ANO10: variants seen among roughly 807,000 people sequenced by gnomAD.
The protein encoded by ANO10 is anoctamin-10.
In ANO10, 77 loss-of-function variants were observed where a neutral mutation model predicts 74.7. The observed-to-expected ratio is 1.03, with a 90% confidence interval of 0.86 to 1.25. The LOEUF is 1.25. Among genes scored for constraint, ANO10 ranks in the 50% most tolerant of loss-of-function variants. The probability of loss-of-function intolerance (pLI) is 0.00; values close to 1 mark genes in which losing one functional copy is unlikely to be tolerated. For missense variants in ANO10, 721 were observed against 778.1 expected (o/e 0.93, Z 0.87); for synonymous variants, 279 against 284.9 (o/e 0.98, Z 0.21).
Position 43,476,186 on chromosome 3 carries a change from C to T in ANO10, c.1798-43459G>A, listed in dbSNP as rs1457083449. ...TTTTTTCTGTTAGCTTATCTACTTT[C>T]CCCCTAAAATTATCATGTATTTAAT... On this transcript the variant is annotated intron_variant, in intron 11 of 12. Transcript: ENST00000292246. Among the ~76,000 whole-genome samples, 5 of 151,838 alleles carry T rather than the reference C, an allele frequency of 3.3e-5. No homozygotes were observed. In the East Asian group the frequency reaches 7.7e-4, roughly 23 times the overall value.
At chr3:43,635,989 T>C (rs2083605206) in intron 1 of ANO10, among the ~76,000 whole-genome samples, 1 of 151,774 alleles carries the variant, frequency 6.6e-6, no homozygotes, top group Admixed American at 6.6e-5. Flanking sequence ...TGAATTCTTA[T>C]ATGGTGAATC....
intron 1 of ANO10, among the ~76,000 whole-genome samples, chr3:43,644,542 CCT>C (rs1559382535): frequency 2.6e-5 from 4 of 152,184 alleles, no homozygotes; most frequent in African/African-American, 9.6e-5. Flanking sequence ...CAAGATCTGG[CCT>C]ACCTGGCCTG....
At chr3:43,485,302 G>T in intron 11 of ANO10, 2 of 572,470 alleles carry the variant, frequency 3.5e-6, no homozygotes, top group South Asian at 3.7e-5. Flanking sequence ...ACCCGCTGCT[G>T]ACTTCCATAC....
At chr3:43,630,243 C>A (rs997503155) in intron 1 of ANO10, among the ~76,000 whole-genome samples, 1 of 152,024 alleles carries the variant, frequency 6.6e-6, no homozygotes, top group African/African-American at 2.4e-5. Flanking sequence ...AATCTAAAAT[C>A]TAAATACTAA....
upstream of ANO10, among the ~76,000 whole-genome samples, chr3:43,623,207 G>A (rs2083456689): frequency 6.6e-6 from 1 of 152,178 alleles, no homozygotes; most frequent in South Asian, 2.1e-4. Flanking sequence ...ACCACAGTCT[G>A]AAAATAGGTG....
chr3:43,634,528 A>T (rs2083586289), intron 1 of ANO10, among the ~76,000 whole-genome samples: 1 of 152,112 alleles, frequency 6.6e-6, no homozygotes, highest in South Asian at 2.1e-4. Context: ...ATGTATACTC[A>T]TGTCTTCCCC....
At chr3:43,646,917 A>G (rs1055734258) in intron 1 of ANO10, among the ~76,000 whole-genome samples, 1 of 152,214 alleles carries the variant, frequency 6.6e-6, no homozygotes, top group Non-Finnish European at 1.5e-5. Flanking sequence ...TTATGGAGTC[A>G]TCCCTGAAGG....
intron 1 of ANO10, among the ~76,000 whole-genome samples, chr3:43,627,980 A>G (rs1256824680): frequency 6.6e-6 from 1 of 152,074 alleles, no homozygotes; most frequent in Non-Finnish European, 1.5e-5. Flanking sequence ...TCCGTCTCCC[A>G]GATACAGGCG....
At chr3:43,485,949 G>T in intron 11 of ANO10, 1 of 229,390 alleles carries the variant, frequency 4.4e-6, no homozygotes, top group Non-Finnish European at 8.9e-6. Flanking sequence ...AATTGCACTT[G>T]AAGAAAATAA....
At chr3:43,470,068 C>G (rs2075788760) in intron 11 of ANO10, among the ~76,000 whole-genome samples, 1 of 152,180 alleles carries the variant, frequency 6.6e-6, no homozygotes, top group African/African-American at 2.4e-5. Flanking sequence ...ATTGCCCAAA[C>G]TGGAAGCAAT....
chr3:43,573,134 C>A (rs1450326805), intron 7 of ANO10, among the ~76,000 whole-genome samples: 1 of 151,974 alleles, frequency 6.6e-6, no homozygotes, highest in African/African-American at 2.4e-5. Context: ...GTTATATAAC[C>A]TTTTCGAATG....
At chr3:43,518,292 G>A (rs1433824306) in intron 11 of ANO10, among the ~76,000 whole-genome samples, 2 of 152,060 alleles carry the variant, frequency 1.3e-5, no homozygotes, top group Non-Finnish European at 2.9e-5. Context: ...AGATTTCATG[G>A]ACATTTATCA....
At chr3:43,677,568 T>G (rs2084138875) in intron 1 of ANO10, among the ~76,000 whole-genome samples, 1 of 152,222 alleles carries the variant, frequency 6.6e-6, no homozygotes. Flanking sequence ...TTTTATTTTC[T>G]CACAATTCTG....
intron 10 of ANO10, among the ~76,000 whole-genome samples, chr3:43,550,117 T>C (rs1294010170): frequency 6.6e-6 from 1 of 152,122 alleles, no homozygotes; most frequent in African/African-American, 2.4e-5. Flanking sequence ...TGGACCTGAA[T>C]TGGGAATACT....
chr3:43,512,778 C>T (rs2077558831), intron 11 of ANO10, among the ~76,000 whole-genome samples: 1 of 151,902 alleles, frequency 6.6e-6, no homozygotes, highest in Admixed American at 6.6e-5. Flanking sequence ...CCCTTCCACC[C>T]GAAACAACAA....
At chr3:43,570,687 G>T (rs1266152108) in intron 7 of ANO10, among the ~76,000 whole-genome samples, 10 of 146,520 alleles carry the variant, frequency 6.8e-5, no homozygotes, top group Middle Eastern at 3.5e-3. Flanking sequence ...ATCAATTCAA[G>T]ATGGATTAAA....
intron 11 of ANO10, among the ~76,000 whole-genome samples, chr3:43,501,753 G>T (rs1006743584): frequency 6.6e-6 from 1 of 152,192 alleles, no homozygotes; most frequent in African/African-American, 2.4e-5. Context: ...AACTAAATCT[G>T]TCCAGGGATT....
At chr3:43,671,781 C>A (rs1351335922) in intron 1 of ANO10, among the ~76,000 whole-genome samples, 2 of 152,030 alleles carry the variant, frequency 1.3e-5, no homozygotes, top group Non-Finnish European at 2.9e-5. Context: ...TGCTACTGAA[C>A]CTGACAGAAA....
At position 43,382,202 on chromosome 3, in the gene ANO10, C is replaced by T. The variant is rs1307171655; in HGVS notation, c.1915-15228G>A. Reference sequence around the variant, plus strand: ...CTAGACAAACAAGAACAAACCAAACCCAAACCCAACAGAAGAAAAGAAATA... The same window carrying T: ...CTAGACAAACAAGAACAAACCAAACTCAAACCCAACAGAAGAAAAGAAATA... On this transcript the variant is annotated intron_variant, in intron 12 of 12. Transcript: ENST00000292246. 4.6e-5 allele frequency among the ~76,000 whole-genome samples: 7 copies of T among 152,262 alleles called. No individual in the cohort carries two copies. In the East Asian group the frequency reaches 1.4e-3, roughly 29 times the overall value.
Sources: gnomAD v4.1 joint callset for allele counts (sites outside exome capture counted in the v4.1 genomes callset) on GRCh38, gnomAD v4.1.1 for gene constraint, MANE v1.5 for transcripts, NCBI Gene and HGNC (gene_info 2026-07-23, HGNC 2026-07-21) for gene names.